ATXN10: variants seen among roughly 807,000 people sequenced by gnomAD.
ATXN10 encodes ataxin 10, also known as ataxin-10.
ATXN10 carries 28 observed loss-of-function variants against 52.9 expected under a neutral mutation model. The observed-to-expected ratio is 0.53, with a 90% confidence interval of 0.39 to 0.73. The LOEUF is 0.73. ATXN10 is among the 30% of genes least tolerant of loss of function. ATXN10 has a pLI of 0.00. For synonymous variants in ATXN10, 226 were observed against 221.5 expected (o/e 1.02, Z -0.18); for missense variants, 565 against 577.0 (o/e 0.98, Z 0.21).
At chr22:45,676,336 A>C (rs1922688853) in intron 1 of ATXN10, 1 of 152,020 alleles carries the variant, frequency 6.6e-6, no homozygotes, top group Admixed American at 6.6e-5. Context: ...CAGACCCCAC[A>C]AAGTGTAGAG....
intron 3 of ATXN10, 38 bp from the exon 4 acceptor site, chr22:45,700,244 C>T: frequency 7.8e-7 from 1 of 1,286,202 alleles, no homozygotes; most frequent in Non-Finnish European, 1.1e-6. Context: ...TGTGTTTAAT[C>T]ATTTATTTAT....
intron 7 of ATXN10, among the ~76,000 whole-genome samples, chr22:45,738,198 A>G (rs959176367): frequency 2.0e-5 from 3 of 152,192 alleles, no homozygotes; most frequent in Admixed American, 1.3e-4. Context: ...CTGTCTTTCT[A>G]ATCTACCAAG....
chr22:45,830,020 C>T (rs1928937517), intron 10 of ATXN10, among the ~76,000 whole-genome samples: 1 of 152,174 alleles, frequency 6.6e-6, no homozygotes, highest in South Asian at 2.1e-4. Flanking sequence ...TGAAGACAGA[C>T]ATCTGGACTA....
At position 45,712,304 on chromosome 22, in the gene ATXN10, G is replaced by A. The variant is rs917338295; in HGVS notation, c.648-6109G>A. Among the ~76,000 whole-genome samples, 2 of 152,194 alleles carry A rather than the reference G, an allele frequency of 1.3e-5. No homozygotes were observed. Among genetic ancestry groups the A allele is most frequent in the Non-Finnish European group, 2.9e-5 (2 of 68,020 alleles). On this transcript the variant is annotated intron_variant, in intron 5 of 11. Transcript: ENST00000252934. This position sits in a 1 kb window ranked among gnomAD's most constrained non-coding sequence, Gnocchi z 4.6. Reference sequence around the variant, plus strand: ...GGAAAAAAGGGGATGCTGAACAGGGGAAAAAGTGGCAGATATCCACAAGGA... The same window carrying A: ...GGAAAAAAGGGGATGCTGAACAGGGAAAAAAGTGGCAGATATCCACAAGGA...
chr22:45,674,885 T>C (rs1471077991), intron 1 of ATXN10: 2 of 152,208 alleles, frequency 1.3e-5, no homozygotes, highest in Admixed American at 1.3e-4. Context: ...CAAAACAAAC[T>C]TCTGTCAGTG....
intron 9 of ATXN10, among the ~76,000 whole-genome samples, chr22:45,767,924 TTA>T: frequency 6.6e-6 from 1 of 152,188 alleles, no homozygotes; most frequent in Admixed American, 6.5e-5. Context: ...ACACACTGTT[TTA>T]TATGTGTGTG....
intron 9 of ATXN10, among the ~76,000 whole-genome samples, chr22:45,745,574 C>T (rs1022963286): frequency 1.3e-5 from 2 of 152,176 alleles, no homozygotes; most frequent in African/African-American, 2.4e-5. Flanking sequence ...TGAAAAAGTT[C>T]AACATGTAAA....
chr22:45,717,500 A>G (rs1924490623), intron 5 of ATXN10, among the ~76,000 whole-genome samples: 1 of 152,200 alleles, frequency 6.6e-6, no homozygotes. Context: ...AGAATTTCAA[A>G]TATTATCCAT....
At chr22:45,724,778 A>G (rs1001774575) in intron 6 of ATXN10, among the ~76,000 whole-genome samples, 7 of 152,044 alleles carry the variant, frequency 4.6e-5, no homozygotes, top group Admixed American at 2.6e-4. Context: ...TTCTCCTAGA[A>G]TTTTTATGGT....
intron 9 of ATXN10, among the ~76,000 whole-genome samples, chr22:45,796,286 C>T (rs1259505363): frequency 1.3e-5 from 2 of 152,246 alleles, no homozygotes; most frequent in Non-Finnish European, 2.9e-5. Context: ...GACCGGTTGA[C>T]TGCTCTCGAA....
intron 7 of ATXN10, 186 bp from the exon 8 acceptor site, chr22:45,738,545 A>G: frequency 1.8e-6 from 1 of 565,654 alleles, no homozygotes. Flanking sequence ...GTTAGTGAAA[A>G]TGATGAGTCG....
At chr22:45,687,252 A>G (rs1402982643) in intron 1 of ATXN10, among the ~76,000 whole-genome samples, 2 of 152,208 alleles carry the variant, frequency 1.3e-5, no homozygotes, top group Non-Finnish European at 2.9e-5. Context: ...ATGGTCGGGA[A>G]ATCATTTTTC....
rs1480859636 is a variant in ATXN10, at chr22:45,835,701, GCTGAGATGGCTTTTTCC to G, written c.1238-7287_1238-7271del. Among the ~76,000 whole-genome samples the G allele has an allele frequency of 6.6e-6, 1 of 152,188 alleles. No individual in the cohort carries two copies. The highest frequency in any genetic ancestry group is 1.5e-5 in the Non-Finnish European group (1 of 68,030). On this transcript the variant is annotated intron_variant, in intron 10 of 11. Transcript: ENST00000252934. This position sits in a 1 kb window ranked among gnomAD's most constrained non-coding sequence, Gnocchi z 5.0. The stretch of plus-strand genomic sequence containing the variant: ...CCTCAGCTTTCAGTGCAGGGGTGTT[GCTGAGATGGCTTTTTCC>G]CTCCGGAAAGACTGAAACTGCTCTT...
Position 45,757,343 on chromosome 22 carries a change from AGCAATACCAGCTGAT to A in ATXN10, c.1173+16806_1173+16820del, listed in dbSNP as rs1414683759. 6.6e-6 allele frequency among the ~76,000 whole-genome samples: 1 copy of A among 152,122 alleles called. No individual in the cohort carries two copies. The highest frequency in any genetic ancestry group is 1.5e-5 in the Non-Finnish European group (1 of 68,022). On this transcript the variant is annotated intron_variant, in intron 9 of 11. Transcript: ENST00000252934. The surrounding 1 kb of genome is among the most constrained non-coding windows in gnomAD (Gnocchi z 4.6). ...TGCCTCAGAGCTTCAGTGTAACTGG[AGCAATACCAGCTGAT>A]TCTAACAGTGTGGCCCAGCAGCGCC...
chr22:45,694,591 G>T (rs942380267), intron 3 of ATXN10, among the ~76,000 whole-genome samples: 6 of 151,998 alleles, frequency 3.9e-5, no homozygotes, highest in African/African-American at 1.4e-4. Context: ...AGACCAGCCT[G>T]GCCAACATGG....
At chr22:45,679,514 A>G (rs886501599) in intron 1 of ATXN10, 1 of 152,216 alleles carries the variant, frequency 6.6e-6, no homozygotes, top group South Asian at 2.1e-4. Flanking sequence ...AAACCTATCC[A>G]TCTGTGTATA....
At chr22:45,731,526 A>T (rs1470651685) in intron 7 of ATXN10, among the ~76,000 whole-genome samples, 1 of 152,206 alleles carries the variant, frequency 6.6e-6, no homozygotes, top group Non-Finnish European at 1.5e-5. Context: ...TTGTATGCTG[A>T]TATGAATGGT....
At chr22:45,735,675 G>T (rs926647187) in intron 7 of ATXN10, among the ~76,000 whole-genome samples, 1 of 151,914 alleles carries the variant, frequency 6.6e-6, no homozygotes, top group Non-Finnish European at 1.5e-5. Flanking sequence ...TAAGTTTTCT[G>T]TAACTTACAA....
intron 5 of ATXN10, 23 bp downstream of exon 5, chr22:45,702,870 G>T: frequency 6.2e-7 from 1 of 1,613,188 alleles, no homozygotes; most frequent in East Asian, 2.2e-5. Flanking sequence ...TTAGAAATTT[G>T]ATTGCTTTGG....
Sources: gnomAD v4.1 joint callset for allele counts (sites outside exome capture counted in the v4.1 genomes callset) on GRCh38, gnomAD v4.1.1 for gene constraint, Gnocchi (gnomAD v3.1) non-coding constraint, MANE v1.5 for transcripts, NCBI Gene and HGNC (gene_info 2026-07-23, HGNC 2026-07-21) for gene names.